The following FER variants were observed in gnomAD, a reference collection of about 807,000 sequenced individuals.
FER encodes FER tyrosine kinase, also known as tyrosine-protein kinase Fer.
FER carries 63 observed loss-of-function variants against 111.0 expected under a neutral mutation model. The observed-to-expected ratio is 0.57, with a 90% CI of 0.46 to 0.70. The LOEUF (loss-of-function observed/expected upper bound fraction) is 0.70. FER is among the 30% of genes least tolerant of loss of function. FER has a pLI of 0.00. For missense variants in FER, 914 were observed against 954.0 expected, an observed-to-expected ratio of 0.96 and a Z score of 0.55; for synonymous variants, 327 against 313.9, an observed-to-expected ratio of 1.04 and a Z score of -0.44.
intron 5 of FER, among the ~76,000 whole-genome samples, chr5:108,857,871 T>C (rs1448954702): frequency 6.6e-6 from 1 of 152,222 alleles, no homozygotes; most frequent in Non-Finnish European, 1.5e-5. Flanking sequence ...GGCTCCTCTG[T>C]CCTTTTGACA....
intron 13 of FER, among the ~76,000 whole-genome samples, chr5:109,013,771 A>G (rs1289240883): frequency 6.7e-6 from 1 of 150,284 alleles, no homozygotes; most frequent in Non-Finnish European, 1.5e-5. Context: ...AATGATTGCC[A>G]TTCTAACTGG....
chr5:108,798,960 A>G (rs1756344746), intron 3 of FER, among the ~76,000 whole-genome samples: 1 of 151,636 alleles, frequency 6.6e-6, no homozygotes, highest in Admixed American at 6.6e-5. Flanking sequence ...TCTTTTATTA[A>G]CTCTTCTGGC....
intron 13 of FER, among the ~76,000 whole-genome samples, chr5:108,998,339 G>T (rs1764280814): frequency 6.6e-6 from 1 of 152,082 alleles, no homozygotes; most frequent in Non-Finnish European, 1.5e-5. Context: ...CACAGTATCT[G>T]GGCCAGAGTG....
In FER at chr5:109,140,624, T is replaced by C. The variant is rs145911879; in HGVS notation, c.2048+40105T>C. Among the ~76,000 whole-genome samples, 442 of 152,344 alleles carry C rather than the reference T, an allele frequency of 2.9e-3. 4 individuals are homozygous for C. Among genetic ancestry groups the C allele is most frequent in the African/African-American group, 0.01 (428 of 41,578 alleles). On this transcript the variant is annotated intron_variant, in intron 17 of 19. Coordinates refer to ENST00000281092, the MANE Select transcript of FER (RefSeq NM_005246.4). Reference sequence around the variant, plus strand: ...AGCCTGTTAAAATGATTTCAGTGTTTTATGCTACCCTTATGAAAGTCTTGG... The same window carrying C: ...AGCCTGTTAAAATGATTTCAGTGTTCTATGCTACCCTTATGAAAGTCTTGG...
chr5:109,061,409 T>C (rs1450608905), intron 16 of FER, among the ~76,000 whole-genome samples: 1 of 152,162 alleles, frequency 6.6e-6, no homozygotes, highest in African/African-American at 2.4e-5. Context: ...TGTCAGTTAT[T>C]CTACTAGAAG....
intron 14 of FER, among the ~76,000 whole-genome samples, chr5:109,042,747 C>G (rs189498432): frequency 1.3e-5 from 2 of 151,964 alleles, no homozygotes; most frequent in Non-Finnish European, 1.5e-5. Flanking sequence ...GATTTAAAGA[C>G]GAAGTATCAG....
At chr5:109,037,971 CA>C (rs1770632350) in intron 14 of FER, among the ~76,000 whole-genome samples, 1 of 151,754 alleles carries the variant, frequency 6.6e-6, no homozygotes, top group Non-Finnish European at 1.5e-5. Context: ...GTGGACAAGA[CA>C]CTTGTTTCAA....
At chr5:108,924,028 T>G (rs544493929) in intron 10 of FER, among the ~76,000 whole-genome samples, 1 of 151,996 alleles carries the variant, frequency 6.6e-6, no homozygotes, top group Non-Finnish European at 1.5e-5. Context: ...ATATGTTTCT[T>G]AGGAATAAAA....
intron 16 of FER, among the ~76,000 whole-genome samples, chr5:109,068,915 A>G (rs1323786392): frequency 6.6e-6 from 1 of 152,244 alleles, no homozygotes; most frequent in Admixed American, 6.5e-5. Context: ...TTTCAGAATA[A>G]ATGATATCCA....
At chr5:108,756,301 C>G (rs917856816) in intron 1 of FER, among the ~76,000 whole-genome samples, 1 of 151,872 alleles carries the variant, frequency 6.6e-6, no homozygotes, top group African/African-American at 2.4e-5. Context: ...TAAATTTTCA[C>G]TAAGGTTTTA....
In FER at chr5:108,803,589, G is replaced by A. The variant is rs563751527; in HGVS notation, c.207+5200G>A. On this transcript the variant is annotated intron_variant, in intron 3 of 19. Transcript: ENST00000281092. Reference sequence around the variant, plus strand: ...ATCCCAGCAGCATTTATTAAATAGGGAGTTCTTTCCCTGTTGCTTATTTTT... The same window carrying A: ...ATCCCAGCAGCATTTATTAAATAGGAAGTTCTTTCCCTGTTGCTTATTTTT... 1.2e-3 allele frequency among the ~76,000 whole-genome samples: 190 copies of A among 152,068 alleles called. 1 individual carries two copies. Among genetic ancestry groups the A allele is most frequent in the Non-Finnish European group, 2.0e-3 (137 of 67,968 alleles).
At chr5:108,974,511 A>G (rs1244655348) in intron 13 of FER, among the ~76,000 whole-genome samples, 2 of 152,194 alleles carry the variant, frequency 1.3e-5, no homozygotes, top group Non-Finnish European at 2.9e-5. Context: ...GAAAGAGAGG[A>G]AAAGAGGCAT....
chr5:109,126,820 C>G (rs1375439137), intron 17 of FER, among the ~76,000 whole-genome samples: 1 of 152,030 alleles, frequency 6.6e-6, no homozygotes, highest in Non-Finnish European at 1.5e-5. Context: ...TGTGATAGAA[C>G]CAAACAAGGT....
In FER at chr5:108,981,671, A is replaced by G. The variant is rs182667128; in HGVS notation, c.1656+22324A>G. Among the ~76,000 whole-genome samples the G allele has an allele frequency of 1.0e-3, 153 of 152,218 alleles. No individual in the cohort carries two copies. In the Middle Eastern group the frequency reaches 0.014, roughly 14 times the overall value. On this transcript the variant is annotated intron_variant, in intron 13 of 19. Transcript: ENST00000281092. ...AGACATTGTTCTAAGTGCTTTACTCATTAAATTTTTGTAAAAATCTTACGA... is the reference window on the plus strand; with the variant it reads ...AGACATTGTTCTAAGTGCTTTACTCGTTAAATTTTTGTAAAAATCTTACGA...
intron 1 of FER, among the ~76,000 whole-genome samples, chr5:108,751,863 A>G (rs1330421377): frequency 6.6e-6 from 1 of 152,150 alleles, no homozygotes; most frequent in Non-Finnish European, 1.5e-5. Context: ...ACACATTTGT[A>G]TATTTGTAAT....
At chr5:109,062,978 C>T (rs1331104034) in intron 16 of FER, among the ~76,000 whole-genome samples, 2 of 152,140 alleles carry the variant, frequency 1.3e-5, no homozygotes, top group African/African-American at 2.4e-5. Flanking sequence ...AGGCTTAAGA[C>T]ATTGTCAGAA....
intron 16 of FER, among the ~76,000 whole-genome samples, chr5:109,057,941 C>G (rs1237687132): frequency 6.6e-6 from 1 of 152,074 alleles, no homozygotes; most frequent in Admixed American, 6.6e-5. Flanking sequence ...AACTGCAGAC[C>G]AATATCATTC....
intron 16 of FER, among the ~76,000 whole-genome samples, chr5:109,051,032 A>G (rs1422087350): frequency 2.0e-5 from 3 of 152,178 alleles, no homozygotes; most frequent in South Asian, 2.1e-4. Flanking sequence ...GCCCTAATCT[A>G]TGTATCATGT....
intron 2 of FER, among the ~76,000 whole-genome samples, chr5:108,780,648 A>T (rs1283279132): frequency 6.6e-6 from 1 of 150,538 alleles, no homozygotes; most frequent in African/African-American, 2.4e-5. Flanking sequence ...GAGTTTTCTG[A>T]GCTTTTTGGA....
Sources: gnomAD v4.1 joint callset for allele counts (sites outside exome capture counted in the v4.1 genomes callset) on GRCh38, gnomAD v4.1.1 for gene constraint, MANE v1.5 for transcripts, NCBI Gene and HGNC (gene_info 2026-07-23, HGNC 2026-07-21) for gene names.